ETV6: variants seen among roughly 807,000 people sequenced by gnomAD.
The protein encoded by ETV6 is transcription factor ETV6.
In ETV6, 16 loss-of-function variants were observed where a neutral mutation model predicts 51.1. That is an observed-to-expected ratio of 0.31 (90% CI 0.21 to 0.48). The LOEUF is 0.48. ETV6 is among the 20% of genes least tolerant of loss of function. The pLI is 0.99. For missense variants in ETV6, 458 were observed against 594.8 expected, an observed-to-expected ratio of 0.77 and a Z score of 2.39; for synonymous variants, 240 against 224.1, an observed-to-expected ratio of 1.07 and a Z score of -0.64.
At chr12:11,832,702 T>G (rs1156946507) in intron 2 of ETV6, among the ~76,000 whole-genome samples, 2 of 152,252 alleles carry the variant, frequency 1.3e-5, no homozygotes, top group African/African-American at 4.8e-5. Context: ...CTAAGTGTTG[T>G]AGTTGCTGTA....
At chr12:11,715,979 A>G (rs73288759) in intron 1 of ETV6, among the ~76,000 whole-genome samples, 9,440 of 152,260 alleles carry the variant, frequency 0.062, 923 homozygotes, top group African/African-American at 0.21. Context: ...TAAGCCTGCA[A>G]TCTGGGTAAA....
chr12:11,698,061 T>C (rs1363205456), intron 1 of ETV6, among the ~76,000 whole-genome samples: 7 of 152,214 alleles, frequency 4.6e-5, no homozygotes, highest in Non-Finnish European at 7.3e-5. Context: ...TAGAAAACTA[T>C]TACTCTTTTT....
intron 1 of ETV6, among the ~76,000 whole-genome samples, chr12:11,659,938 G>C (rs917044815): frequency 7.2e-5 from 11 of 152,148 alleles, no homozygotes; most frequent in Non-Finnish European, 1.2e-4. Flanking sequence ...GGATGAAGAG[G>C]AGTTGGCGAA....
chr12:11,741,636 G>A (rs767924976), intron 1 of ETV6, among the ~76,000 whole-genome samples: 4 of 152,200 alleles, frequency 2.6e-5, no homozygotes, highest in Non-Finnish European at 4.4e-5. Flanking sequence ...GCTTGGAGCA[G>A]TTGTTCATAT....
intron 1 of ETV6, among the ~76,000 whole-genome samples, chr12:11,659,979 A>G (rs550247842): frequency 6.6e-6 from 1 of 152,304 alleles, no homozygotes; most frequent in Non-Finnish European, 1.5e-5. Flanking sequence ...GATAGAAGGA[A>G]TGTGTTATAG....
chr12:11,737,779 C>T (rs767668818), intron 1 of ETV6, among the ~76,000 whole-genome samples: 2 of 152,170 alleles, frequency 1.3e-5, no homozygotes, highest in Non-Finnish European at 2.9e-5. Flanking sequence ...TTTAACTCAA[C>T]TGATTTTCTC....
Position 11,841,011 on chromosome 12 carries a change from G to C in ETV6, c.328+1707G>C, listed in dbSNP as rs138298674. The stretch of plus-strand genomic sequence containing the variant: ...GTTCCAATGAAACCATTCATGTAAA[G>C]CAAGCAAAGGAAAATACAGTGGTGG... On this transcript the variant is annotated intron_variant, in intron 3 of 7. Coordinates refer to ENST00000396373, the MANE Select transcript of ETV6 (RefSeq NM_001987.5). 6.8e-3 allele frequency: 1,072 copies of C among 156,740 alleles called. 17 individuals carry two copies. Among genetic ancestry groups the C allele is most frequent in the African/African-American group, 0.025 (1,033 of 41,552 alleles). The allele number at this position is 156,740 out of a possible 1,614,324, so 9.7% of individuals were successfully genotyped here. A position where few individuals can be genotyped will look rare whatever the true frequency, so the allele number is the denominator to read the frequency against.
At chr12:11,749,374 G>A (rs1338672275) in intron 1 of ETV6, among the ~76,000 whole-genome samples, 2 of 143,926 alleles carry the variant, frequency 1.4e-5, no homozygotes, top group Admixed American at 7.1e-5. Flanking sequence ...AATGTTAAAA[G>A]AAAGAAAGCA....
At chr12:11,839,025 C>G in intron 2 of ETV6, 115 bp from the exon 3 acceptor site, 1 of 1,130,842 alleles carries the variant, frequency 8.8e-7, no homozygotes, top group South Asian at 1.7e-5. Flanking sequence ...CATAAGGGCT[C>G]TTGAGATGTG....
chr12:11,869,371 C>A lies in ETV6; in HGVS notation c.464-53C>A. On this transcript the variant is annotated intron_variant, in intron 4 of 7. Coordinates refer to ENST00000396373, the MANE Select transcript of ETV6 (RefSeq NM_001987.5). The surrounding 1 kb of genome is among the most constrained non-coding windows in gnomAD (Gnocchi z 5.0). Reference sequence around the variant, plus strand: ...CCGCCTGTAGAGCCGCAGGGAGTTTCCTGTCCTGCCAACTCACTGGGGTCT... The same window carrying A: ...CCGCCTGTAGAGCCGCAGGGAGTTTACTGTCCTGCCAACTCACTGGGGTCT... 6.5e-7 allele frequency: 1 copy of A among 1,527,858 alleles called. No individual in the cohort carries two copies. The highest frequency in any genetic ancestry group is 8.9e-7 in the Non-Finnish European group (1 of 1,125,208). The allele number at this position is 1,527,858 out of a possible 1,614,324, so 94.6% of individuals were successfully genotyped here.
chr12:11,744,705 G>C (rs1045628268), intron 1 of ETV6, among the ~76,000 whole-genome samples: 13 of 152,114 alleles, frequency 8.5e-5, no homozygotes, highest in Non-Finnish European at 1.5e-5. Context: ...GTATAGCCTG[G>C]GGCTGCAGAA....
intron 1 of ETV6, among the ~76,000 whole-genome samples, chr12:11,701,571 A>C (rs1189219051): frequency 6.6e-6 from 1 of 152,192 alleles, no homozygotes; most frequent in East Asian, 1.9e-4. Flanking sequence ...CCAAAGCGAA[A>C]CTTCCAAAGG....
intron 1 of ETV6, 64 bp from the exon 2 acceptor site, chr12:11,752,386 A>G: frequency 6.4e-7 from 1 of 1,556,036 alleles, no homozygotes; most frequent in Non-Finnish European, 8.7e-7. Context: ...ATGGTCTCAT[A>G]CCTCCATTCC....
Position 11,668,890 on chromosome 12 carries a change from C to T in ETV6, c.33+18730C>T, listed in dbSNP as rs536758194. ...AGCAGACTGGTTCCTTTGGCACATCCCTGTGCTCAAAGATGGGAGGCAGCT... is the reference window on the plus strand; with the variant it reads ...AGCAGACTGGTTCCTTTGGCACATCTCTGTGCTCAAAGATGGGAGGCAGCT... On this transcript the variant is annotated intron_variant, in intron 1 of 7. Transcript: ENST00000396373. Among the ~76,000 whole-genome samples, 12 of 152,258 alleles carry T rather than the reference C, an allele frequency of 7.9e-5. No homozygotes were observed. In the East Asian group the frequency reaches 1.9e-3, roughly 25 times the overall value.
chr12:11,654,892 G>C (rs1463227963), intron 1 of ETV6, among the ~76,000 whole-genome samples: 1 of 152,168 alleles, frequency 6.6e-6, no homozygotes, highest in African/African-American at 2.4e-5. Flanking sequence ...TAAGCTCCCT[G>C]TTTCAAACAG....
At chr12:11,871,372 A>G (rs901173281) in intron 5 of ETV6, among the ~76,000 whole-genome samples, 16 of 151,918 alleles carry the variant, frequency 1.1e-4, no homozygotes, top group Admixed American at 3.9e-4. Flanking sequence ...TCATATTTTT[A>G]GTAGAGACGG....
intron 1 of ETV6, among the ~76,000 whole-genome samples, chr12:11,677,899 G>C (rs1864451730): frequency 6.6e-6 from 1 of 152,186 alleles, no homozygotes; most frequent in African/African-American, 2.4e-5. Flanking sequence ...TCACCGGAGC[G>C]CCTCCCAGCG....
At chr12:11,813,519 T>C (rs2136423639) in intron 2 of ETV6, among the ~76,000 whole-genome samples, 1 of 152,336 alleles carries the variant, frequency 6.6e-6, no homozygotes, top group African/African-American at 2.4e-5. Context: ...GATTTCATGT[T>C]CTAATGAAAC....
At chr12:11,650,651 C>T (rs764289608) in intron 1 of ETV6, among the ~76,000 whole-genome samples, 4 of 152,014 alleles carry the variant, frequency 2.6e-5, no homozygotes, top group Admixed American at 2.0e-4. Context: ...CTCTCTGGGT[C>T]TGATCAGACA....
Sources: gnomAD v4.1 joint callset for allele counts (sites outside exome capture counted in the v4.1 genomes callset) on GRCh38, gnomAD v4.1.1 for gene constraint, Gnocchi (gnomAD v3.1) non-coding constraint, MANE v1.5 for transcripts, NCBI Gene and HGNC (gene_info 2026-07-23, HGNC 2026-07-21) for gene names.